LINGO2: variants seen among roughly 807,000 people sequenced by gnomAD.
LINGO2 encodes the protein leucine rich repeat and Ig domain containing 2, also known as leucine-rich repeat and immunoglobulin-like domain-containing nogo receptor-interacting protein 2.
Under a neutral mutation model 30.6 loss-of-function variants are expected in LINGO2, and 14 were observed. The ratio of observed to expected loss-of-function variants is 0.46; its 90% CI spans 0.30 to 0.72. LINGO2 has a LOEUF of 0.72. LINGO2 is among the 30% of genes least tolerant of loss of function. The probability of loss-of-function intolerance (pLI) is 0.07; values close to 1 mark genes in which losing one functional copy is unlikely to be tolerated. For synonymous variants in LINGO2, 317 were observed against 288.5 expected (o/e 1.10, Z -1.00); for missense variants, 729 against 751.7 (o/e 0.97, Z 0.35).
chr9:28,097,381 C>A (rs1343114243), intron 4 of LINGO2, among the ~76,000 whole-genome samples: 2 of 149,642 alleles, frequency 1.3e-5, no homozygotes, highest in East Asian at 2.0e-4. Context: ...AAGACACATG[C>A]ACACGTATGT....
chr9:29,209,100 T>C, the LINGO2 span, among the ~76,000 whole-genome samples: 1 of 152,134 alleles, frequency 6.6e-6, no homozygotes, highest in Non-Finnish European at 1.5e-5. Flanking sequence ...AATATGAACA[T>C]TACATATTTG....
At chr9:28,672,014 G>T (rs529566101), upstream of LINGO2, among the ~76,000 whole-genome samples, 1 of 151,828 alleles carries the variant, frequency 6.6e-6, no homozygotes, top group Admixed American at 6.6e-5. Flanking sequence ...TCTTTTGTTC[G>T]GAGGTATTAT....
chr9:27,940,122 CCTTAT>C, the LINGO2 span: 7 of 152,106 alleles, frequency 4.6e-5, no homozygotes, highest in East Asian at 9.7e-4. Context: ...TTTCCACCTG[CCTTAT>C]CTTTTTTTAT....
intron 4 of LINGO2, among the ~76,000 whole-genome samples, chr9:28,060,595 ATTAT>A (rs1421577740): frequency 6.6e-6 from 1 of 152,154 alleles, no homozygotes; most frequent in African/African-American, 2.4e-5. Context: ...GCTTGAACTA[ATTAT>A]TATTATACAA....
chr9:28,704,396 A>T, the LINGO2 span, among the ~76,000 whole-genome samples: 3 of 147,590 alleles, frequency 2.0e-5, no homozygotes, highest in African/African-American at 2.5e-5. Context: ...TTTTTATTGG[A>T]TTTTTTTTTT....
intron 4 of LINGO2, among the ~76,000 whole-genome samples, chr9:28,053,321 G>A (rs548908465): frequency 2.6e-5 from 4 of 152,164 alleles, no homozygotes; most frequent in Admixed American, 6.6e-5. Context: ...TAGTATGACC[G>A]GGTCTTAGGC....
intron 4 of LINGO2, among the ~76,000 whole-genome samples, chr9:28,201,927 T>A (rs549628465): frequency 6.6e-6 from 1 of 152,150 alleles, no homozygotes. Context: ...CTCTTTCTCA[T>A]GAAGTTCAAA....
intron 4 of LINGO2, among the ~76,000 whole-genome samples, chr9:28,097,602 G>A (rs1168933799): frequency 2.2e-5 from 3 of 136,974 alleles, no homozygotes; most frequent in South Asian, 2.5e-4. Flanking sequence ...ACCAAACACC[G>A]CATATTCTCA....
chr9:28,728,795 T>C, the LINGO2 span, among the ~76,000 whole-genome samples: 4 of 152,098 alleles, frequency 2.6e-5, no homozygotes, highest in African/African-American at 9.7e-5. Flanking sequence ...GTAAATATCC[T>C]TACAGAAAAA....
rs894012779 is a variant in LINGO2, at chr9:28,462,419, A to T, written c.-279+13521T>A. On this transcript the variant is annotated intron_variant, in intron 2 of 5. Transcript: ENST00000379992. The stretch of plus-strand genomic sequence containing the variant: ...AACATTCATCATGCTCTAGCTAAAA[A>T]AAAAAAAAAAAAAAAAAAATTATAC... Among the ~76,000 whole-genome samples the T allele has an allele frequency of 3.7e-4, 55 of 150,648 alleles. No individual in the cohort carries two copies. In the East Asian group the frequency reaches 9.9e-3, roughly 27 times the overall value.
intron 2 of LINGO2, among the ~76,000 whole-genome samples, chr9:28,388,429 G>A (rs1821688740): frequency 6.6e-6 from 1 of 152,106 alleles, no homozygotes; most frequent in Admixed American, 6.5e-5. Flanking sequence ...TGTCCCTTAG[G>A]TTTATAGCTA....
chr9:28,954,978 A>C, the LINGO2 span, among the ~76,000 whole-genome samples: 1 of 152,136 alleles, frequency 6.6e-6, no homozygotes, highest in Admixed American at 6.6e-5. Flanking sequence ...TACCGAACCA[A>C]TGTCAAAAAC....
intron 5 of LINGO2, among the ~76,000 whole-genome samples, chr9:28,002,570 A>G (rs1430360450): frequency 6.6e-6 from 1 of 152,114 alleles, no homozygotes; most frequent in Non-Finnish European, 1.5e-5. Context: ...ATAATTTTGC[A>G]TTCTTGTTGA....
At chr9:28,831,485 G>C in the LINGO2 span, among the ~76,000 whole-genome samples, 21 of 152,064 alleles carry the variant, frequency 1.4e-4, no homozygotes, top group Non-Finnish European at 2.9e-5. Context: ...AGGAGTGAGT[G>C]AGTCATGTTC....
chr9:28,167,150 C>G (rs576545804), intron 4 of LINGO2, among the ~76,000 whole-genome samples: 5 of 139,236 alleles, frequency 3.6e-5, no homozygotes, highest in East Asian at 2.5e-4. Context: ...CCCCCCCCCC[C>G]CACTTTTCTT....
intron 1 of LINGO2, among the ~76,000 whole-genome samples, chr9:28,650,947 T>G (rs1171426953): frequency 1.3e-5 from 2 of 152,126 alleles, no homozygotes; most frequent in East Asian, 1.9e-4. Flanking sequence ...TCCCAGCACT[T>G]TGGGAGGCTG....
chr9:28,783,291 T>C, the LINGO2 span, among the ~76,000 whole-genome samples: 1 of 152,176 alleles, frequency 6.6e-6, no homozygotes, highest in Non-Finnish European at 1.5e-5. Flanking sequence ...ATTGTATTTA[T>C]ATATAACCTG....
intron 2 of LINGO2, among the ~76,000 whole-genome samples, chr9:28,437,276 T>C (rs1823985731): frequency 6.6e-6 from 1 of 152,174 alleles, no homozygotes; most frequent in African/African-American, 2.4e-5. Context: ...TTGTACTTCG[T>C]AACTCTAGAC....
the LINGO2 span, among the ~76,000 whole-genome samples, chr9:29,149,601 G>T: frequency 1.3e-5 from 2 of 151,886 alleles, no homozygotes; most frequent in Non-Finnish European, 2.9e-5. Context: ...CAGCTCCTAG[G>T]GAAGAGGTGA....
Sources: gnomAD v4.1 joint callset for allele counts (sites outside exome capture counted in the v4.1 genomes callset) on GRCh38, gnomAD v4.1.1 for gene constraint, MANE v1.5 for transcripts, NCBI Gene and HGNC (gene_info 2026-07-23, HGNC 2026-07-21) for gene names.